EVC: variants seen among roughly 807,000 people sequenced by gnomAD.
The protein encoded by EVC is evC complex member EVC.
A neutral mutation model predicts 118.9 loss-of-function variants in EVC; 116 were observed. That is an observed-to-expected ratio of 0.98 (90% CI 0.84 to 1.14). EVC has a LOEUF of 1.14. Among genes scored for constraint, EVC ranks in the 50% most tolerant of loss-of-function variants. The pLI is 0.00. For missense variants in EVC, 1,401 were observed against 1,246.4 expected (o/e 1.12, Z -1.87); for synonymous variants, 619 against 534.7 (o/e 1.16, Z -2.18).
chr4:5,741,918 T>C, intron 6 of EVC, 104 bp downstream of exon 6: 1 of 608,780 alleles, frequency 1.6e-6, no homozygotes, highest in South Asian at 1.9e-5. Flanking sequence ...AAATAGCTTA[T>C]TACAATATAT....
intron 11 of EVC, among the ~76,000 whole-genome samples, chr4:5,766,138 T>C (rs973371760): frequency 6.9e-6 from 1 of 145,132 alleles, no homozygotes; most frequent in East Asian, 2.1e-4. Context: ...GTCTGTAAAG[T>C]ATTTTATTTC....
chr4:5,717,556 A>G (rs1333982981), intron 1 of EVC, among the ~76,000 whole-genome samples: 1 of 152,106 alleles, frequency 6.6e-6, no homozygotes, highest in Non-Finnish European at 1.5e-5. Context: ...GGACCCTTGT[A>G]CTGGTCTGCT....
Position 5,812,837 on chromosome 4 carries a change from G to C in EVC, c.*1800G>C, listed in dbSNP as rs1385763809. 6.6e-6 allele frequency: 1 copy of C among 152,498 alleles called. No individual in the cohort carries two copies. The highest frequency in any genetic ancestry group is 1.5e-5 in the Non-Finnish European group (1 of 68,398). 9.4% of individuals were successfully genotyped at this position (152,498 alleles called of 1,614,324 possible). On this transcript the variant is annotated 3_prime_UTR_variant, in exon 21 of 21. Coordinates refer to ENST00000264956, the MANE Select transcript of EVC (RefSeq NM_153717.3). ...CAAGGATGTCTCCAGACACTGCCCC[G>C]TGTCCATGGGGTTATCACCCACTGT...
At chr4:5,729,425 T>C in intron 3 of EVC, 35 bp downstream of exon 3, 1 of 1,585,486 alleles carries the variant, frequency 6.3e-7, no homozygotes, top group Non-Finnish European at 8.7e-7. Flanking sequence ...GAAAGCCAGT[T>C]ACTTCCGTCA....
chr4:5,761,401 G>A (rs765571165), intron 11 of EVC, among the ~76,000 whole-genome samples: 5 of 151,562 alleles, frequency 3.3e-5, no homozygotes, highest in Non-Finnish European at 7.4e-5. Context: ...CCAGCTCGAG[G>A]GTGCACCTGG....
chr4:5,748,401 T>G, intron 8 of EVC, 95 bp downstream of exon 8: 1 of 1,381,318 alleles, frequency 7.2e-7, no homozygotes, highest in Non-Finnish European at 1.0e-6. Context: ...CAGATTCATG[T>G]TGTAGCTGGT....
intron 1 of EVC, among the ~76,000 whole-genome samples, chr4:5,717,519 G>C (rs1724177057): frequency 6.6e-6 from 1 of 152,082 alleles, no homozygotes; most frequent in Non-Finnish European, 1.5e-5. Flanking sequence ...TTTACTGTAG[G>C]ACTATCTGAC....
chr4:5,748,007 A>G lies in EVC; in HGVS notation c.940-141A>G, dbSNP rs901223421. 9.4e-6 allele frequency: 9 copies of G among 954,978 alleles called. 1 individual carries two copies. The highest frequency in any genetic ancestry group is 3.2e-5 in the African/African-American group (2 of 62,128). 59.2% of individuals were successfully genotyped at this position (954,978 alleles called of 1,614,324 possible). On this transcript the variant is annotated intron_variant, in intron 7 of 20. Transcript: ENST00000264956. ...TCACTGTAGAACGTGATTGTTGCCA[A>G]GATAAACTCACTGAAACTGTAGAAT... is the stretch of plus-strand genomic sequence containing the variant.
chr4:5,754,869 C>T lies in EVC; in HGVS notation c.1464+936C>T, dbSNP rs897924311. Among the ~76,000 whole-genome samples, 18 of 152,140 alleles carry T rather than the reference C, an allele frequency of 1.2e-4. No individual in the cohort carries two copies. The highest frequency in any genetic ancestry group is 3.3e-4 in the Admixed American group (5 of 15,286). On this transcript the variant is annotated intron_variant, in intron 10 of 20. Coordinates refer to ENST00000264956, the MANE Select transcript of EVC (RefSeq NM_153717.3). The surrounding 1 kb of genome is among the most constrained non-coding windows in gnomAD (Gnocchi z 5.8). ...TGTTTGCCTGGGTCCGCCTGCCCTC[C>T]GTCAACACTTGGTACAGCACATCTC...
At chr4:5,806,437 A>C (rs80261527) in intron 17 of EVC, among the ~76,000 whole-genome samples, 1,721 of 152,186 alleles carry the variant, frequency 0.011, 37 homozygotes, top group African/African-American at 0.039. Flanking sequence ...CTCATAACTG[A>C]AAATATGAGA....
rs372824386 is a variant in EVC at position 5,801,903 on chromosome 4, C to T, written c.2305-47C>T. 1.4e-5 allele frequency: 23 copies of T among 1,603,704 alleles called. No individual in the cohort carries two copies. In the South Asian group the frequency reaches 2.1e-4, roughly 15 times the overall value. ...GGACTGGATGGGCCGTGGGTGGCTC[C>T]CACGTGTGACTTCTCTGCTGTCCCT... On this transcript the variant is annotated intron_variant, in intron 15 of 20. Coordinates refer to ENST00000264956, the MANE Select transcript of EVC (RefSeq NM_153717.3).
At chr4:5,802,220 A>G (rs1261368848) in intron 16 of EVC, 126 bp downstream of exon 16, 11 of 1,348,554 alleles carry the variant, frequency 8.2e-6, no homozygotes, top group Non-Finnish European at 1.0e-5. Context: ...CAGTGTTTTA[A>G]TGTATTTATC....
At chr4:5,747,091 C>T (rs1441733227) in intron 7 of EVC, among the ~76,000 whole-genome samples, 2 of 151,996 alleles carry the variant, frequency 1.3e-5, no homozygotes, top group African/African-American at 4.8e-5. Flanking sequence ...AGAGGAGGAG[C>T]AGCATGTATG....
intron 11 of EVC, among the ~76,000 whole-genome samples, chr4:5,767,582 G>A (rs866815108): frequency 1.3e-5 from 2 of 151,410 alleles, no homozygotes; most frequent in East Asian, 3.9e-4. Flanking sequence ...TCCGAGCCAC[G>A]TGTGGGATAT....
In EVC at chr4:5,742,923, T is replaced by G. The variant is rs1368155790; in HGVS notation, c.801+1109T>G. Among the ~76,000 whole-genome samples, 1 of 152,234 alleles carries G rather than the reference T, an allele frequency of 6.6e-6. No individual in the cohort carries two copies. Among genetic ancestry groups the G allele is most frequent in the Non-Finnish European group, 1.5e-5 (1 of 68,044 alleles). Reference sequence around the variant, plus strand: ...CTCCTTGCGGAGCAGGGCTAACCCGTAGGCAGTGTGCCCAGAGTTGGTAAC... The same window carrying G: ...CTCCTTGCGGAGCAGGGCTAACCCGGAGGCAGTGTGCCCAGAGTTGGTAAC... On this transcript the variant is annotated intron_variant, in intron 6 of 20. Coordinates refer to ENST00000264956, the MANE Select transcript of EVC (RefSeq NM_153717.3). The surrounding 1 kb of genome is among the most constrained non-coding windows in gnomAD (Gnocchi z 5.2).
intron 12 of EVC, among the ~76,000 whole-genome samples, chr4:5,788,402 TGG>T (rs1712112912): frequency 6.6e-6 from 1 of 152,144 alleles, no homozygotes; most frequent in African/African-American, 2.4e-5. Context: ...CAAGGGTCGT[TGG>T]ACTGAGAGCC....
chr4:5,724,586 G>A (rs181120390), intron 2 of EVC, among the ~76,000 whole-genome samples: 34 of 152,288 alleles, frequency 2.2e-4, no homozygotes, highest in Admixed American at 1.2e-3. Context: ...CCTTGGGCAC[G>A]TGACTTCACC....
intron 1 of EVC, among the ~76,000 whole-genome samples, chr4:5,711,768 C>G (rs1312964728): frequency 6.6e-6 from 1 of 152,216 alleles, no homozygotes; most frequent in African/African-American, 2.4e-5. Flanking sequence ...GTGCCTGTTA[C>G]ATCCCACTCC....
In EVC at chr4:5,811,116, A is replaced by T. The variant is rs1233673599; in HGVS notation, c.*79A>T. 8.5e-7 allele frequency: 1 copy of T among 1,175,076 alleles called. No individual in the cohort carries two copies. Among genetic ancestry groups the T allele is most frequent in the African/African-American group, 1.5e-5 (1 of 65,742 alleles). The allele number at this position is 1,175,076 out of a possible 1,614,324, so 72.8% of individuals were successfully genotyped here. ...CCACCTTCCCTCCTGCAGTGCTGAG[A>T]GGCAGCGAGGACGGAGAGGACAGCG... On this transcript the variant is annotated 3_prime_UTR_variant, in exon 21 of 21. Transcript: ENST00000264956.
Sources: gnomAD v4.1 joint callset for allele counts (sites outside exome capture counted in the v4.1 genomes callset) on GRCh38, gnomAD v4.1.1 for gene constraint, Gnocchi (gnomAD v3.1) non-coding constraint, MANE v1.5 for transcripts, NCBI Gene and HGNC (gene_info 2026-07-23, HGNC 2026-07-21) for gene names.